The following CADM2 variants were observed in gnomAD, a reference collection of about 807,000 sequenced individuals.
The protein encoded by CADM2 is cell adhesion molecule 2, also known as immunoglobulin superfamily member 4D.
A neutral mutation model predicts 49.8 loss-of-function variants in CADM2; 12 were observed. That is an observed-to-expected ratio of 0.24 (90% confidence interval 0.15 to 0.39). The LOEUF is 0.39. Among genes scored for constraint, CADM2 ranks in the 10% least tolerant of loss-of-function variants. The pLI is 1.00. For synonymous variants in CADM2, 214 were observed against 175.4 expected (o/e 1.22, Z -1.74); for missense variants, 378 against 492.3 (o/e 0.77, Z 2.20).
At chr3:85,432,594 G>A (rs2036732296) in intron 1 of CADM2, among the ~76,000 whole-genome samples, 1 of 152,024 alleles carries the variant, frequency 6.6e-6, no homozygotes, top group Non-Finnish European at 1.5e-5. Flanking sequence ...ATTATTTTTA[G>A]TAGCAGTAAC....
intron 3 of CADM2, among the ~76,000 whole-genome samples, chr3:85,813,597 C>T (rs938950134): frequency 2.6e-5 from 4 of 152,148 alleles, no homozygotes; most frequent in Admixed American, 2.0e-4. Flanking sequence ...GTGTTTTACA[C>T]ATGAAGTCTT....
intron 1 of CADM2, among the ~76,000 whole-genome samples, chr3:85,401,394 A>G (rs1408162928): frequency 6.6e-6 from 1 of 152,172 alleles, no homozygotes; most frequent in Non-Finnish European, 1.5e-5. Context: ...AGGCAACAGA[A>G]GGATGGCTTT....
At chr3:85,681,427 T>G (rs2107657629) in intron 1 of CADM2, among the ~76,000 whole-genome samples, 1 of 152,200 alleles carries the variant, frequency 6.6e-6, no homozygotes, top group South Asian at 2.1e-4. Context: ...AGGTTAAAAT[T>G]TTTCCATCTA....
intron 1 of CADM2, among the ~76,000 whole-genome samples, chr3:85,465,093 T>C (rs1418698338): frequency 6.6e-6 from 1 of 152,150 alleles, no homozygotes; most frequent in Non-Finnish European, 1.5e-5. Flanking sequence ...GAGGTTGCAG[T>C]AAGCTGAGAT....
intron 1 of CADM2, among the ~76,000 whole-genome samples, chr3:85,007,245 C>A (rs537096110): frequency 1.6e-4 from 24 of 152,158 alleles, no homozygotes; most frequent in African/African-American, 5.8e-4. Context: ...ATTAATATGG[C>A]AGTCTATCTT....
At chr3:85,292,743 A>T (rs1156340459) in intron 1 of CADM2, among the ~76,000 whole-genome samples, 1 of 152,210 alleles carries the variant, frequency 6.6e-6, no homozygotes, top group Non-Finnish European at 1.5e-5. Flanking sequence ...GAAATCAACG[A>T]GAACAAAGAC....
chr3:85,661,044 G>T (rs985245788), intron 1 of CADM2, among the ~76,000 whole-genome samples: 15 of 152,086 alleles, frequency 9.9e-5, no homozygotes, highest in African/African-American at 3.4e-4. Flanking sequence ...TTTGGAGGAA[G>T]GCATTGAATT....
intron 2 of CADM2, among the ~76,000 whole-genome samples, chr3:85,772,299 T>TA (rs1395175847): frequency 6.6e-6 from 1 of 152,072 alleles, no homozygotes; most frequent in African/African-American, 2.4e-5. Flanking sequence ...TCTTCCTAGT[T>TA]ACGTTTAGCT....
At chr3:85,392,879 T>A (rs2107403282) in intron 1 of CADM2, among the ~76,000 whole-genome samples, 1 of 152,214 alleles carries the variant, frequency 6.6e-6, no homozygotes, top group African/African-American at 2.4e-5. Flanking sequence ...ATGGAGGCCT[T>A]CATATTTATT....
chr3:85,982,705 G>A (rs1727628587), intron 8 of CADM2, among the ~76,000 whole-genome samples: 1 of 151,490 alleles, frequency 6.6e-6, no homozygotes, highest in South Asian at 2.1e-4. Flanking sequence ...GTTTCTTTGT[G>A]AATTGCCTTT....
At chr3:85,999,275 G>GGGGA (rs1729843200) in intron 8 of CADM2, among the ~76,000 whole-genome samples, 1 of 151,280 alleles carries the variant, frequency 6.6e-6, no homozygotes, top group African/African-American at 2.4e-5. Context: ...GAGGGTTGGG[G>GGGGA]GGTGGATCAC....
chr3:85,294,303 T>G (rs1296275120), intron 1 of CADM2, among the ~76,000 whole-genome samples: 2 of 152,124 alleles, frequency 1.3e-5, no homozygotes, highest in Non-Finnish European at 2.9e-5. Context: ...TACAAACAAA[T>G]GGACGAACAT....
intron 1 of CADM2, among the ~76,000 whole-genome samples, chr3:85,315,075 T>C (rs1191352644): frequency 6.6e-6 from 1 of 152,180 alleles, no homozygotes; most frequent in Non-Finnish European, 1.5e-5. Context: ...GTCTTCTAGT[T>C]TCTGGCAGTC....
At chr3:85,589,333 A>G (rs1348953701) in intron 1 of CADM2, among the ~76,000 whole-genome samples, 3 of 152,056 alleles carry the variant, frequency 2.0e-5, no homozygotes, top group Non-Finnish European at 4.4e-5. Context: ...TAGGCACAAT[A>G]GCATTGGGTT....
intron 3 of CADM2, among the ~76,000 whole-genome samples, chr3:85,849,765 A>C (rs1458772046): frequency 6.6e-6 from 1 of 152,160 alleles, no homozygotes; most frequent in Non-Finnish European, 1.5e-5. Context: ...TGACTTTAAT[A>C]GCCATACTCT....
intron 1 of CADM2, among the ~76,000 whole-genome samples, chr3:85,616,133 T>C (rs2063794981): frequency 6.6e-6 from 1 of 151,780 alleles, no homozygotes; most frequent in African/African-American, 2.4e-5. Context: ...TAATCCTCAT[T>C]TTAAAAAAAT....
In CADM2 at chr3:85,599,951, T is replaced by C. The variant is rs1308425695; in HGVS notation, c.62-126571T>C. ...GCCTTAAAACATTTTAGGACAACTCTGGAAATTTTAAAGAAGTTTGTCTAT... is the reference window on the plus strand; with the variant it reads ...GCCTTAAAACATTTTAGGACAACTCCGGAAATTTTAAAGAAGTTTGTCTAT... On this transcript the variant is annotated intron_variant, in intron 1 of 9. Coordinates refer to ENST00000383699, the MANE Select transcript of CADM2 (RefSeq NM_001167675.2). Among the ~76,000 whole-genome samples, 6 of 152,032 alleles carry C rather than the reference T, an allele frequency of 3.9e-5. No homozygotes were observed. In the East Asian group the frequency reaches 1.2e-3, roughly 29 times the overall value.
chr3:85,554,561 A>G (rs1322987047), intron 1 of CADM2, among the ~76,000 whole-genome samples: 2 of 152,216 alleles, frequency 1.3e-5, no homozygotes, highest in Non-Finnish European at 2.9e-5. Context: ...GTAGAGATGT[A>G]CAGGATGATA....
chr3:86,052,133 T>G (rs1000806599), intron 8 of CADM2, among the ~76,000 whole-genome samples: 3 of 152,184 alleles, frequency 2.0e-5, no homozygotes, highest in Non-Finnish European at 4.4e-5. Context: ...ACAATTACAC[T>G]AATTTAGAAG....
Sources: allele counts gnomAD v4.1 joint callset (sites outside exome capture counted in the v4.1 genomes callset), GRCh38; gene constraint gnomAD v4.1.1; transcripts MANE v1.5; gene names NCBI Gene and HGNC (gene_info 2026-07-23, HGNC 2026-07-21).